Variants in KIF26B observed in about 807,000 individuals in gnomAD.
KIF26B encodes kinesin-like protein KIF26B.
KIF26B carries 63 observed loss-of-function variants against 151.2 expected under a neutral mutation model. The ratio of observed to expected loss-of-function variants is 0.42; its 90% CI spans 0.34 to 0.51. The LOEUF is 0.51. Ranked by LOEUF, KIF26B falls within the 20% of genes least tolerant of loss-of-function variation. The pLI is 0.07. For synonymous variants in KIF26B, 1,357 were observed against 1,262.1 expected (o/e 1.08, Z -1.59); for missense variants, 2,813 against 2,913.6 (o/e 0.97, Z 0.79).
rs563934635 is a variant in KIF26B, at chr1:245,319,803, G to A, written c.466-47031G>A. Among the ~76,000 whole-genome samples the A allele has an allele frequency of 2.7e-4, 41 of 152,306 alleles. 2 individuals are homozygous for A. In the South Asian group the frequency reaches 8.1e-3, roughly 30 times the overall value. ...GGTTGGAGAAGAAGAGACTGTGCAT[G>A]ACAGTGCAGCCATGTGGCTTGGAGA... On this transcript the variant is annotated intron_variant, in intron 2 of 14. Coordinates refer to ENST00000407071, the MANE Select transcript of KIF26B (RefSeq NM_018012.4).
chr1:245,609,597 C>A (rs1159431615), intron 8 of KIF26B, 69 bp downstream of exon 8: 6 of 1,423,918 alleles, frequency 4.2e-6, no homozygotes, highest in Non-Finnish European at 5.6e-6. Flanking sequence ...GGGGCAGCTC[C>A]ACCCGTGAAT....
chr1:245,359,714 CT>C (rs1191962386), intron 2 of KIF26B, among the ~76,000 whole-genome samples: 1 of 149,894 alleles, frequency 6.7e-6, no homozygotes, highest in Non-Finnish European at 1.5e-5. Flanking sequence ...CCCTCCCTTC[CT>C]TCCTTCCTTC....
chr1:245,633,421 A>T (rs2043802330), intron 9 of KIF26B, among the ~76,000 whole-genome samples: 1 of 151,968 alleles, frequency 6.6e-6, no homozygotes, highest in Non-Finnish European at 1.5e-5. Flanking sequence ...ATGGTTTTGT[A>T]TATTTTTTGT....
At chr1:245,323,418 G>A (rs1671924003) in intron 2 of KIF26B, among the ~76,000 whole-genome samples, 4 of 152,290 alleles carry the variant, frequency 2.6e-5, no homozygotes, top group African/African-American at 9.6e-5. Flanking sequence ...GTAGACAAAG[G>A]TCACAATTTC....
At chr1:245,208,628 G>A (rs1669453778) in intron 2 of KIF26B, among the ~76,000 whole-genome samples, 1 of 152,198 alleles carries the variant, frequency 6.6e-6, no homozygotes, top group Admixed American at 6.5e-5. Context: ...GAGAAAACGA[G>A]ACTTCTTTGC....
intron 9 of KIF26B, among the ~76,000 whole-genome samples, chr1:245,644,375 C>T (rs1184116118): frequency 2.0e-5 from 3 of 151,998 alleles, no homozygotes; most frequent in Non-Finnish European, 2.9e-5. Context: ...TTCTACTTAA[C>T]TTTTTGAACA....
intron 2 of KIF26B, among the ~76,000 whole-genome samples, chr1:245,164,452 T>C (rs1668582664): frequency 6.6e-6 from 1 of 152,226 alleles, no homozygotes; most frequent in South Asian, 2.1e-4. Context: ...ATAATCCAAA[T>C]AGGAAAAATA....
At chr1:245,217,309 T>C (rs1372712042) in intron 2 of KIF26B, among the ~76,000 whole-genome samples, 1 of 152,148 alleles carries the variant, frequency 6.6e-6, no homozygotes, top group Non-Finnish European at 1.5e-5. Flanking sequence ...CTTTAGAATT[T>C]GGACAACAAA....
chr1:245,577,852 A>G (rs376471089), intron 5 of KIF26B, among the ~76,000 whole-genome samples: 13 of 140,528 alleles, frequency 9.3e-5, no homozygotes, highest in South Asian at 2.3e-4. Flanking sequence ...GCTTTGTGGA[A>G]CTCCGGGCGA....
rs148984411 is a variant in KIF26B at position 245,436,562 on chromosome 1, T to C, written c.1166+16817T>C. 3.0e-3 allele frequency among the ~76,000 whole-genome samples: 463 copies of C among 152,310 alleles called. 4 individuals carry two copies. Among genetic ancestry groups the C allele is most frequent in the African/African-American group, 0.011 (445 of 41,566 alleles). On this transcript the variant is annotated intron_variant, in intron 4 of 14. Coordinates refer to ENST00000407071, the MANE Select transcript of KIF26B (RefSeq NM_018012.4). The stretch of plus-strand genomic sequence containing the variant: ...TCCAGCAGGAGTTGATGTTGCAGCC[T>C]GGAGTCCAGAGGCAGTCTTAAGGCC...
At chr1:245,295,587 G>C (rs1355903098) in intron 2 of KIF26B, among the ~76,000 whole-genome samples, 3 of 152,220 alleles carry the variant, frequency 2.0e-5, no homozygotes, top group Non-Finnish European at 4.4e-5. Context: ...GAAAGCACAT[G>C]AGATGTTGAC....
At chr1:245,463,009 G>A (rs1447411891) in intron 4 of KIF26B, among the ~76,000 whole-genome samples, 2 of 152,172 alleles carry the variant, frequency 1.3e-5, no homozygotes, top group Admixed American at 1.3e-4. Flanking sequence ...ATGGGTAAGT[G>A]GATAGCACAC....
At position 245,161,664 on chromosome 1, in the gene KIF26B, A is replaced by G. The variant is rs1668531782; in HGVS notation, c.465+4981A>G. ...CACACACATAATCTCATATATTAAAATGAAGATGAACGTGATTTTTTCTTT... is the reference window on the plus strand; with the variant it reads ...CACACACATAATCTCATATATTAAAGTGAAGATGAACGTGATTTTTTCTTT... On this transcript the variant is annotated intron_variant, in intron 2 of 14. Transcript: ENST00000407071. 2.0e-5 allele frequency among the ~76,000 whole-genome samples: 3 copies of G among 152,336 alleles called. No homozygotes were observed. The South Asian group carries it at 6.2e-4, about 32-fold the overall frequency.
chr1:245,627,553 C>A (rs1385430674), intron 9 of KIF26B, among the ~76,000 whole-genome samples: 1 of 151,942 alleles, frequency 6.6e-6, no homozygotes, highest in East Asian at 1.9e-4. Flanking sequence ...AGATCGACAC[C>A]TTAACATCAC....
chr1:245,346,773 C>A (rs1437254052), intron 2 of KIF26B, among the ~76,000 whole-genome samples: 1 of 152,202 alleles, frequency 6.6e-6, no homozygotes, highest in Non-Finnish European at 1.5e-5. Flanking sequence ...GCATCCCATT[C>A]TCTGATCACC....
intron 2 of KIF26B, among the ~76,000 whole-genome samples, chr1:245,162,463 G>T (rs1162242829): frequency 7.7e-6 from 1 of 130,552 alleles, no homozygotes; most frequent in Admixed American, 9.8e-5. Flanking sequence ...TCGGCTCACT[G>T]CAACCTCTGC....
chr1:245,187,037 A>G (rs1669012885), intron 2 of KIF26B, among the ~76,000 whole-genome samples: 1 of 152,048 alleles, frequency 6.6e-6, no homozygotes, highest in Non-Finnish European at 1.5e-5. Flanking sequence ...TTGTATTTTT[A>G]GTAGAGACAG....
At chr1:245,511,003 C>T (rs1572098694) in intron 4 of KIF26B, 8 of 692,274 alleles carry the variant, frequency 1.2e-5, no homozygotes, top group South Asian at 1.1e-4. Flanking sequence ...TTTACTTTCT[C>T]CTGAGATGGC....
chr1:245,605,233 T>G (rs565428694), intron 6 of KIF26B, among the ~76,000 whole-genome samples: 23 of 151,778 alleles, frequency 1.5e-4, no homozygotes, highest in Non-Finnish European at 2.2e-4. Context: ...ACACAGCAAG[T>G]GCTCAACAAA....
Sources: allele counts gnomAD v4.1 joint callset (sites outside exome capture counted in the v4.1 genomes callset), GRCh38; gene constraint gnomAD v4.1.1; transcripts MANE v1.5; gene names NCBI Gene and HGNC (gene_info 2026-07-23, HGNC 2026-07-21).